Variants in PCNX1 observed in about 807,000 individuals in gnomAD.
PCNX1 encodes the protein pecanex 1, also known as pecanex-like protein 1.
PCNX1 carries 78 observed loss-of-function variants against 242.2 expected under a neutral mutation model. The observed-to-expected ratio is 0.32, with a 90% CI of 0.27 to 0.39. PCNX1 has a LOEUF of 0.39. PCNX1 is among the 10% of genes least tolerant of loss of function. The pLI, the probability that PCNX1 is intolerant of heterozygous loss-of-function variation, is 1.00. For synonymous variants in PCNX1, 1,024 were observed against 1,032.9 expected (o/e 0.99, Z 0.17); for missense variants, 2,581 against 2,856.5 (o/e 0.90, Z 2.20).
chr14:70,937,597 G>C (rs1214815732), intron 1 of PCNX1, among the ~76,000 whole-genome samples: 2 of 152,170 alleles, frequency 1.3e-5, no homozygotes, highest in Non-Finnish European at 2.9e-5. Flanking sequence ...TTTTGGCTTA[G>C]GATTGTCTTG....
At chr14:70,929,893 T>C (rs1252671094) in intron 1 of PCNX1, among the ~76,000 whole-genome samples, 1 of 152,200 alleles carries the variant, frequency 6.6e-6, no homozygotes, top group Non-Finnish European at 1.5e-5. Context: ...ACATTTTAAT[T>C]ATGAGGACAT....
intron 26 of PCNX1, among the ~76,000 whole-genome samples, chr14:71,070,720 A>G (rs550212269): frequency 6.6e-6 from 1 of 152,316 alleles, no homozygotes; most frequent in South Asian, 2.1e-4. Context: ...TTTATAGTGC[A>G]CAGTTAGAGG....
Position 70,907,866 on chromosome 14 carries a change from C to G in PCNX1, c.16C>G (p.Leu6Val). 1.3e-6 allele frequency: 2 copies of G among 1,511,276 alleles called. No homozygotes were observed. The highest frequency in any genetic ancestry group is 1.4e-5 in the African/African-American group (1 of 69,852). 93.6% of individuals were successfully genotyped at this position (1,511,276 alleles called of 1,614,324 possible). Reference sequence around the variant, plus strand: ...CCGGGTGGGGATGGGGTCGCAGACGCTGCAGATCCTCCGACAGGGGGTGTG... The same window carrying G: ...CCGGGTGGGGATGGGGTCGCAGACGGTGCAGATCCTCCGACAGGGGGTGTG... MGSQT[L>V]QILRQGVWAA... The change falls in exon 1 of 36, where the codon CTG (leucine) becomes GTG (valine). Residue 6 changes from leucine to valine, a missense_variant. This residue lies in a region of PCNX1 where 1,204 missense variants were observed against 1,216.7 expected (regional missense o/e 0.99). Coordinates refer to ENST00000304743, the MANE Select transcript of PCNX1 (RefSeq NM_014982.3).
Position 70,930,370 on chromosome 14 carries a change from T to C in PCNX1, c.154-16545T>C, listed in dbSNP as rs138909184. 3.3e-3 allele frequency among the ~76,000 whole-genome samples: 497 copies of C among 152,330 alleles called. 1 individual carries two copies. Among genetic ancestry groups the C allele is most frequent in the Middle Eastern group, 0.01 (3 of 294 alleles). On this transcript the variant is annotated intron_variant, in intron 1 of 35. Transcript: ENST00000304743. ...GCTTAGTGACTTCTGCCCTGAGTAA[T>C]AGACTCAATCTCTGTTGCCGATGAG...
At chr14:70,918,516 A>G (rs1340282859) in intron 1 of PCNX1, among the ~76,000 whole-genome samples, 1 of 152,240 alleles carries the variant, frequency 6.6e-6, no homozygotes, top group Admixed American at 6.5e-5. Flanking sequence ...TATAGTAAAG[A>G]AAAAGTATGA....
At chr14:70,971,541 GAAAT>G (rs1489783659) in intron 5 of PCNX1, among the ~76,000 whole-genome samples, 2 of 152,114 alleles carry the variant, frequency 1.3e-5, no homozygotes, top group African/African-American at 4.8e-5. Context: ...TTAAGTACTG[GAAAT>G]AAATCAGTGA....
intron 16 of PCNX1, chr14:71,031,798 A>C (rs2060392701): frequency 6.8e-7 from 1 of 1,475,208 alleles, no homozygotes; most frequent in Non-Finnish European, 9.5e-7. Context: ...CAGGGAGCCC[A>C]TGCATAGCTT....
At chr14:71,037,567 C>T (rs1315846919) in intron 19 of PCNX1, among the ~76,000 whole-genome samples, 236 of 149,210 alleles carry the variant, frequency 1.6e-3, no homozygotes, top group African/African-American at 5.5e-3. Flanking sequence ...TTGTCTTTGG[C>T]TCTGTTTATA....
intron 1 of PCNX1, among the ~76,000 whole-genome samples, chr14:70,918,115 G>A (rs1043104615): frequency 2.6e-5 from 4 of 152,210 alleles, no homozygotes; most frequent in Non-Finnish European, 5.9e-5. Context: ...GTTGTGGCTG[G>A]TTTGATCTTC....
At chr14:71,099,850 T>C (rs977644512) in intron 30 of PCNX1, among the ~76,000 whole-genome samples, 6 of 152,350 alleles carry the variant, frequency 3.9e-5, no homozygotes, top group African/African-American at 1.4e-4. Context: ...CCATTTTTAC[T>C]GTTGTTAAAG....
In PCNX1 at chr14:70,946,805, AG is replaced by A. The variant is rs2057474836; in HGVS notation, c.154-109del. The A allele has an allele frequency of 2.8e-5, 22 of 798,530 alleles. No individual in the cohort carries two copies. In the South Asian group the frequency reaches 3.7e-4, roughly 13 times the overall value. 49.5% of individuals were successfully genotyped at this position (798,530 alleles called of 1,614,324 possible). A position where few individuals can be genotyped will look rare whatever the true frequency, so the allele number is the denominator to read the frequency against. ...TTTTGCAGCTTAGCGCTAGTAACAT[AG>A]TTGTTGCTTTGTGTGTAAATGTGTT... is the stretch of plus-strand genomic sequence containing the variant. On this transcript the variant is annotated intron_variant, in intron 1 of 35. Coordinates refer to ENST00000304743, the MANE Select transcript of PCNX1 (RefSeq NM_014982.3).
intron 1 of PCNX1, among the ~76,000 whole-genome samples, chr14:70,919,980 G>C (rs996484525): frequency 6.6e-6 from 1 of 152,034 alleles, no homozygotes; most frequent in Non-Finnish European, 1.5e-5. Flanking sequence ...ACTGCCCTGA[G>C]AACAGGCAGG....
Position 71,010,153 on chromosome 14 carries a change from T to A in PCNX1, c.2720+429T>A, listed in dbSNP as rs146068453. Among the ~76,000 whole-genome samples, 1,211 of 152,246 alleles carry A rather than the reference T, an allele frequency of 8.0e-3. 9 individuals carry two copies. The highest frequency in any genetic ancestry group is 0.024 in the Middle Eastern group (7 of 294). ...TTTTTGCTATGGAAAAAAGAAAGTA[T>A]TGTTTTTAAAACAAAAGCTATTCTG... is the stretch of plus-strand genomic sequence containing the variant. On this transcript the variant is annotated intron_variant, in intron 9 of 35. Coordinates refer to ENST00000304743, the MANE Select transcript of PCNX1 (RefSeq NM_014982.3).
intron 19 of PCNX1, among the ~76,000 whole-genome samples, chr14:71,042,743 G>A (rs1393543464): frequency 6.6e-6 from 1 of 152,006 alleles, no homozygotes; most frequent in African/African-American, 2.4e-5. Flanking sequence ...GCTAGGTGGA[G>A]GCATACTCCC....
chr14:71,095,239 TTACATA>T (rs1483882223), intron 30 of PCNX1, among the ~76,000 whole-genome samples: 2 of 152,208 alleles, frequency 1.3e-5, no homozygotes, highest in African/African-American at 4.8e-5. Flanking sequence ...CCAAATGAGT[TTACATA>T]TGATATGTGC....
chr14:70,938,342 GT>G (rs1287038753), intron 1 of PCNX1, among the ~76,000 whole-genome samples: 3 of 152,224 alleles, frequency 2.0e-5, no homozygotes, highest in South Asian at 2.1e-4. Flanking sequence ...TTAGCATGAA[GT>G]GTTGTTGAAT....
chr14:71,067,263 G>A (rs1209488981), intron 26 of PCNX1, among the ~76,000 whole-genome samples: 1 of 152,028 alleles, frequency 6.6e-6, no homozygotes, highest in African/African-American at 2.4e-5. Context: ...TGGTTGGTAG[G>A]CTATTAATTA....
chr14:71,086,433 T>C (rs1330477718), intron 28 of PCNX1, among the ~76,000 whole-genome samples: 2 of 152,224 alleles, frequency 1.3e-5, no homozygotes, highest in Non-Finnish European at 1.5e-5. Flanking sequence ...TATTTCTGTA[T>C]TCCTGTAAAT....
chr14:71,045,989 C>A (rs1007722136), intron 20 of PCNX1, among the ~76,000 whole-genome samples: 1 of 152,008 alleles, frequency 6.6e-6, no homozygotes, highest in Non-Finnish European at 1.5e-5. Flanking sequence ...ATGTTCATAC[C>A]TGTGTCATAA....
Sources: gnomAD v4.1 joint callset for allele counts (sites outside exome capture counted in the v4.1 genomes callset) on GRCh38, gnomAD v4.1.1 for gene constraint, gnomAD v4.1.1 regional missense constraint, MANE v1.5 for transcripts, NCBI Gene and HGNC (gene_info 2026-07-23, HGNC 2026-07-21) for gene names.